SFSWAP: variants seen among roughly 807,000 people sequenced by gnomAD.
SFSWAP encodes the protein splicing factor SWAP, also known as splicing factor, suppressor of white-apricot homolog.
A neutral mutation model predicts 100.7 loss-of-function variants in SFSWAP; 17 were observed. The ratio of observed to expected loss-of-function variants is 0.17; its 90% CI spans 0.12 to 0.25. The LOEUF is 0.25. Among genes scored for constraint, SFSWAP ranks in the 10% least tolerant of loss-of-function variants. The pLI, the probability that SFSWAP is intolerant of heterozygous loss-of-function variation, is 1.00. For missense variants in SFSWAP, 1,005 were observed against 1,262.6 expected (o/e 0.80, Z 3.09); for synonymous variants, 504 against 510.1 (o/e 0.99, Z 0.16).
intron 7 of SFSWAP, among the ~76,000 whole-genome samples, chr12:131,732,689 C>T (rs1270469835): frequency 6.6e-6 from 1 of 152,194 alleles, no homozygotes. Context: ...ATTCCTGTAT[C>T]TCTAATGTGT....
Position 131,741,509 on chromosome 12 carries a change from C to T in SFSWAP, c.1082-11614C>T, listed in dbSNP as rs559557256. On this transcript the variant is annotated intron_variant, in intron 7 of 17. Transcript: ENST00000261674. ...AAAATTAAGTGACCATAATGGCGCA[C>T]ACCTGTGGTCCCAGCTGCTGGGGAG... Among the ~76,000 whole-genome samples the T allele has an allele frequency of 4.6e-5, 7 of 152,054 alleles. No homozygotes were observed. In the East Asian group the frequency reaches 5.8e-4, roughly 13 times the overall value.
rs74977557 is a variant in SFSWAP, at chr12:131,775,421, G to A, written c.2143-2644G>A. On this transcript the variant is annotated intron_variant, in intron 13 of 17. Transcript: ENST00000261674. ...AATGGCGTCTTTCAGCCCCTGGGCCGGCTTGCTTTCTGCGCAGCGTGTGCT... is the reference window on the plus strand; with the variant it reads ...AATGGCGTCTTTCAGCCCCTGGGCCAGCTTGCTTTCTGCGCAGCGTGTGCT... Among the ~76,000 whole-genome samples the A allele has an allele frequency of 5.1e-3, 774 of 152,272 alleles. 20 individuals are homozygous for A. Among genetic ancestry groups the A allele is most frequent in the East Asian group, 0.039 (200 of 5,172 alleles).
At chr12:131,742,638 T>C (rs866651147) in intron 7 of SFSWAP, among the ~76,000 whole-genome samples, 19 of 152,238 alleles carry the variant, frequency 1.2e-4, no homozygotes, top group Middle Eastern at 3.4e-3. Context: ...GGGGACTTTT[T>C]TTTTTTTTTA....
chr12:131,785,178 C>G (rs1291288601), intron 14 of SFSWAP: 5 of 1,535,604 alleles, frequency 3.3e-6, no homozygotes, highest in Non-Finnish European at 4.4e-6. Context: ...CGACCACCAC[C>G]AGATTTGACT....
Position 131,733,232 on chromosome 12 carries a change from G to A in SFSWAP, c.1081+4804G>A, listed in dbSNP as rs754585346. 7.9e-5 allele frequency among the ~76,000 whole-genome samples: 12 copies of A among 152,152 alleles called. No individual in the cohort carries two copies. The highest frequency in any genetic ancestry group is 1.5e-4 in the Non-Finnish European group (10 of 68,028). The stretch of plus-strand genomic sequence containing the variant: ...GGTACTTACTGGGCAGGTGCGTATC[G>A]TCAGGAGCTCCTCACCCTGCCCTGT... On this transcript the variant is annotated intron_variant, in intron 7 of 17. Coordinates refer to ENST00000261674, the MANE Select transcript of SFSWAP (RefSeq NM_004592.4). This position sits in a 1 kb window ranked among gnomAD's most constrained non-coding sequence, Gnocchi z 5.1.
chr12:131,724,424 T>C (rs560880626), intron 4 of SFSWAP, among the ~76,000 whole-genome samples: 2 of 152,378 alleles, frequency 1.3e-5, no homozygotes, highest in South Asian at 4.1e-4. Flanking sequence ...GATTAATGAA[T>C]AATTGTAGAC....
chr12:131,791,102 G>A (rs976148666), intron 15 of SFSWAP, among the ~76,000 whole-genome samples: 18 of 152,198 alleles, frequency 1.2e-4, no homozygotes, highest in African/African-American at 3.9e-4. Context: ...GGATTAAAGA[G>A]CAAGACCTGG....
At chr12:131,770,314 G>A (rs1700074019) in intron 13 of SFSWAP, among the ~76,000 whole-genome samples, 1 of 152,202 alleles carries the variant, frequency 6.6e-6, no homozygotes, top group African/African-American at 2.4e-5. Flanking sequence ...AAGCCTGCGT[G>A]GCTGAGGGCA....
At position 131,730,241 on chromosome 12, in the gene SFSWAP, G is replaced by T. The variant is rs2136193057; in HGVS notation, c.1081+1813G>T. Among the ~76,000 whole-genome samples the T allele has an allele frequency of 6.6e-6, 1 of 152,342 alleles. No homozygotes were observed. Among genetic ancestry groups the T allele is most frequent in the Non-Finnish European group, 1.5e-5 (1 of 68,030 alleles). On this transcript the variant is annotated intron_variant, in intron 7 of 17. Transcript: ENST00000261674. This position sits in a 1 kb window ranked among gnomAD's most constrained non-coding sequence, Gnocchi z 4.0. ...GAAGCTCCCGCCCTGGAGTCATGGG[G>T]CGCTGTGCTCTGCCCAGGATGCCTG...
intron 3 of SFSWAP, among the ~76,000 whole-genome samples, chr12:131,717,223 G>A (rs927437648): frequency 1.3e-5 from 2 of 152,114 alleles, no homozygotes; most frequent in African/African-American, 4.8e-5. Flanking sequence ...GTCTACGTAT[G>A]TCTTGATTTT....
At chr12:131,761,213 A>C (rs560133297) in intron 11 of SFSWAP, among the ~76,000 whole-genome samples, 3 of 152,188 alleles carry the variant, frequency 2.0e-5, no homozygotes, top group African/African-American at 7.2e-5. Flanking sequence ...CTATTTGCTC[A>C]TATGTTTTCA....
intron 15 of SFSWAP, among the ~76,000 whole-genome samples, chr12:131,789,803 G>A (rs1211483047): frequency 6.6e-6 from 1 of 152,218 alleles, no homozygotes; most frequent in East Asian, 1.9e-4. Context: ...TGTTTTGGCT[G>A]CGTAGGCGAC....
chr12:131,752,666 C>T (rs780389044), intron 7 of SFSWAP, among the ~76,000 whole-genome samples: 1 of 152,186 alleles, frequency 6.6e-6, no homozygotes, highest in Non-Finnish European at 1.5e-5. Flanking sequence ...GAGGGAGCAG[C>T]GTGCCTGGGG....
intron 11 of SFSWAP, among the ~76,000 whole-genome samples, chr12:131,760,688 T>TA (rs1048446008): frequency 3.3e-5 from 5 of 152,166 alleles, no homozygotes; most frequent in African/African-American, 9.7e-5. Flanking sequence ...GAAACAGTTA[T>TA]GGGAAATTGT....
chr12:131,748,660 G>A (rs748843931), intron 7 of SFSWAP, among the ~76,000 whole-genome samples: 69 of 152,212 alleles, frequency 4.5e-4, no homozygotes, highest in Non-Finnish European at 6.6e-4. Flanking sequence ...TGAATAGAGG[G>A]CCTTGGGAGA....
In SFSWAP at chr12:131,711,517, G is replaced by T; in HGVS notation, c.218+70G>T. On this transcript the variant is annotated intron_variant, in intron 1 of 17. Coordinates refer to ENST00000261674, the MANE Select transcript of SFSWAP (RefSeq NM_004592.4). This position sits in a 1 kb window ranked among gnomAD's most constrained non-coding sequence, Gnocchi z 4.9. The stretch of plus-strand genomic sequence containing the variant: ...GCTTGATCTCGTCTGATGTTGACTT[G>T]ACTGCAAGGACTGCAGAGAGTTTTC... The T allele has an allele frequency of 4.7e-6, 6 of 1,273,166 alleles. No homozygotes were observed. Among genetic ancestry groups the T allele is most frequent in the Non-Finnish European group, 6.7e-6 (6 of 890,618 alleles). 78.9% of individuals were successfully genotyped at this position (1,273,166 alleles called of 1,614,324 possible).
rs1879375716 is a variant in SFSWAP, at chr12:131,730,268, C to T, written c.1081+1840C>T. ...GCTGTGCTCTGCCCAGGATGCCTGC[C>T]CACTGAGGGACCATCCCTCTGCTTC... On this transcript the variant is annotated intron_variant, in intron 7 of 17. Coordinates refer to ENST00000261674, the MANE Select transcript of SFSWAP (RefSeq NM_004592.4). This position sits in a 1 kb window ranked among gnomAD's most constrained non-coding sequence, Gnocchi z 4.0. Among the ~76,000 whole-genome samples, 1 of 152,212 alleles carries T rather than the reference C, an allele frequency of 6.6e-6. No individual in the cohort carries two copies. The highest frequency in any genetic ancestry group is 2.1e-4 in the South Asian group (1 of 4,832).
rs528102829 is a variant in SFSWAP, at chr12:131,782,512, T to C, written c.2409-3951T>C. Reference sequence around the variant, plus strand: ...CTCAGAATGGATCGGACTTGTCACTTGGGCCTGAACAGACCTAATTGATCA... The same window carrying C: ...CTCAGAATGGATCGGACTTGTCACTCGGGCCTGAACAGACCTAATTGATCA... On this transcript the variant is annotated intron_variant, in intron 14 of 17. Coordinates refer to ENST00000261674, the MANE Select transcript of SFSWAP (RefSeq NM_004592.4). 2.2e-4 allele frequency among the ~76,000 whole-genome samples: 33 copies of C among 152,370 alleles called. No homozygotes were observed. The South Asian group carries it at 6.4e-3, about 30-fold the overall frequency.
intron 7 of SFSWAP, among the ~76,000 whole-genome samples, chr12:131,746,859 C>T (rs1881148139): frequency 6.6e-6 from 1 of 152,158 alleles, no homozygotes; most frequent in South Asian, 2.1e-4. Context: ...AATCCCAGCA[C>T]TTTGGGAGGC....
Sources: allele counts gnomAD v4.1 joint callset (sites outside exome capture counted in the v4.1 genomes callset), GRCh38; gene constraint gnomAD v4.1.1; non-coding constraint Gnocchi (gnomAD v3.1); transcripts MANE v1.5; gene names NCBI Gene and HGNC (gene_info 2026-07-23, HGNC 2026-07-21).